IL6: variants seen among roughly 807,000 people sequenced by gnomAD.
IL6 encodes interleukin 6.
In IL6, 5 loss-of-function variants were observed where a neutral mutation model predicts 18.0. That is an observed-to-expected ratio of 0.28 (90% CI 0.15 to 0.58). IL6 has a LOEUF of 0.58. IL6 is among the 20% of genes least tolerant of loss of function. The pLI is 0.90. For synonymous variants in IL6, 97 were observed against 95.1 expected (o/e 1.02, Z -0.12); for missense variants, 266 against 251.0 (o/e 1.06, Z -0.40).
chr7:22,729,420 A>G (rs1194400493), intron 3 of IL6, 94 bp from the exon 4 acceptor site: 1 of 1,190,258 alleles, frequency 8.4e-7, no homozygotes, highest in African/African-American at 1.5e-5. Flanking sequence ...CTAGAGGAGC[A>G]GAGGGAAAAG....
At chr7:22,729,244 G>A (rs1473187780) in intron 3 of IL6, among the ~76,000 whole-genome samples, 1 of 152,172 alleles carries the variant, frequency 6.6e-6, no homozygotes, top group East Asian at 1.9e-4. Context: ...AAGAGTGCAG[G>A]AAGAACATCA....
rs775434886 is a variant in IL6 at position 22,727,251 on chromosome 7, A to C, written c.-12A>C. On this transcript the variant is annotated 5_prime_UTR_variant, in exon 1 of 5. Coordinates refer to ENST00000258743, the MANE Select transcript of IL6 (RefSeq NM_000600.5). ...GAAAGAGAAGCTCTATCTCCCCTCC[A>C]GGAGCCCAGCTATGAACTCCTTCTC... is the stretch of plus-strand genomic sequence containing the variant. 5.0e-6 allele frequency: 8 copies of C among 1,613,374 alleles called. 1 individual carries two copies. The highest frequency in any genetic ancestry group is 1.7e-5 in the Admixed American group (1 of 59,988).
chr7:22,728,495 C>A (rs1318000634), intron 2 of IL6, 198 bp from the exon 3 acceptor site: 2 of 562,886 alleles, frequency 3.6e-6, no homozygotes, highest in Non-Finnish European at 3.2e-6. Context: ...AAGTAACACA[C>A]CTAAAGTCAC....
Position 22,727,219 on chromosome 7 carries a change from C to G in IL6, c.-44C>G, listed in dbSNP as rs185230192. On this transcript the variant is annotated 5_prime_UTR_variant, in exon 1 of 5. Transcript: ENST00000258743. Reference sequence around the variant, plus strand: ...AGGCTCATTCTGCCCTCGAGCCCACCGGGAACGAAAGAGAAGCTCTATCTC... The same window carrying G: ...AGGCTCATTCTGCCCTCGAGCCCACGGGGAACGAAAGAGAAGCTCTATCTC... 1.2e-6 allele frequency: 2 copies of G among 1,611,632 alleles called. No individual in the cohort carries two copies. The highest frequency in any genetic ancestry group is 1.1e-5 in the South Asian group (1 of 90,960).
In IL6 at chr7:22,729,361, T is replaced by G. The variant is rs13306434; in HGVS notation, c.325-153T>G. Among the ~76,000 whole-genome samples, 50 of 152,342 alleles carry G rather than the reference T, an allele frequency of 3.3e-4. No homozygotes were observed. The East Asian group carries it at 8.7e-3, about 26-fold the overall frequency. On this transcript the variant is annotated intron_variant, in intron 3 of 4. Coordinates refer to ENST00000258743, the MANE Select transcript of IL6 (RefSeq NM_000600.5). ...CTGATTGTCCAGTTATTTAAAATGG[T>G]GCTGTCCAATGTCCCAAAACATGCT...
chr7:22,729,714 CAG>C, intron 4 of IL6, 54 bp downstream of exon 4: 2 of 1,613,374 alleles, frequency 1.2e-6, no homozygotes, highest in South Asian at 2.2e-5. Context: ...GGCTCAAAGA[CAG>C]TGTCCTGGAC....
In IL6 at chr7:22,728,912, T is replaced by C. The variant is rs752671035; in HGVS notation, c.324+106T>C. 3.8e-4 allele frequency: 266 copies of C among 696,858 alleles called. 2 individuals carry two copies. Among genetic ancestry groups the C allele is most frequent in the South Asian group, 2.2e-3 (133 of 59,926 alleles). The allele number at this position is 696,858 out of a possible 1,614,324, so 43.2% of individuals were successfully genotyped here. On this transcript the variant is annotated intron_variant, in intron 3 of 4. Transcript: ENST00000258743. ...GATCCAGGCAGCAACAAAAAGTGGG[T>C]AAATGTAAAGAATGTTATGTAAATT... is the stretch of plus-strand genomic sequence containing the variant.
chr7:22,727,838 C>A (rs533743928), intron 2 of IL6, among the ~76,000 whole-genome samples: 1 of 152,284 alleles, frequency 6.6e-6, no homozygotes, highest in Admixed American at 6.5e-5. Context: ...CTGGAAAATG[C>A]AGAATGGGTC....
At chr7:22,727,399 G>A (rs748751521) in intron 1 of IL6, 45 bp from the exon 2 acceptor site, 9 of 1,613,184 alleles carry the variant, frequency 5.6e-6, no homozygotes, top group Admixed American at 1.7e-5. Flanking sequence ...CAGGCTCCCA[G>A]CTGTGCTGTC....
chr7:22,727,574 A>G lies in IL6; in HGVS notation c.150A>G (p.Ser50=). 1 of 1,595,024 alleles carries G rather than the reference A, an allele frequency of 6.3e-7. No homozygotes were observed. Among genetic ancestry groups the G allele is most frequent in the Non-Finnish European group, 8.5e-7 (1 of 1,171,784 alleles). ...AAPHRQPLTS[S]ERIDKQIRYI... ...CACACAGACAGCCACTCACCTCTTCAGAACGAATTGACAAACAAATTCGGT... is the reference window on the plus strand; with the variant it reads ...CACACAGACAGCCACTCACCTCTTCGGAACGAATTGACAAACAAATTCGGT... The change falls in exon 2 of 5, where the codon TCA becomes TCG. Residue 50 remains serine, a synonymous_variant. Coordinates refer to ENST00000258743, the MANE Select transcript of IL6 (RefSeq NM_000600.5).
chr7:22,730,952 T>C (rs1784113674), intron 4 of IL6, among the ~76,000 whole-genome samples: 1 of 152,076 alleles, frequency 6.6e-6, no homozygotes, highest in South Asian at 2.1e-4. Flanking sequence ...AGAAGTTGGT[T>C]GCTGTGAGCC....
In IL6 at chr7:22,728,722, C is replaced by T. The variant is rs201523057; in HGVS notation, c.240C>T (p.Ser80=). ...GTAACAAGAGTAACATGTGTGAAAG[C>T]AGCAAAGAGGCACTGGCAGAAAACA... ...ETCNKSNMCE[S]SKEALAENNL... Residue 80 remains serine, a synonymous_variant, in exon 3 of 5, where the codon AGC becomes AGT. Coordinates refer to ENST00000258743, the MANE Select transcript of IL6 (RefSeq NM_000600.5). The T allele has an allele frequency of 2.5e-6, 4 of 1,611,096 alleles. No homozygotes were observed. The highest frequency in any genetic ancestry group is 1.7e-5 in the Admixed American group (1 of 60,014).
At chr7:22,731,148 G>T (rs529363262) in intron 4 of IL6, among the ~76,000 whole-genome samples, 1 of 151,906 alleles carries the variant, frequency 6.6e-6, no homozygotes, top group Admixed American at 6.6e-5. Context: ...TGAGGCACAT[G>T]AATCACTTGA....
At position 22,727,217 on chromosome 7, in the gene IL6, AC is replaced by A. The variant is rs1455154786; in HGVS notation, c.-44del. On this transcript the variant is annotated 5_prime_UTR_variant, in exon 1 of 5. Transcript: ENST00000258743. The stretch of plus-strand genomic sequence containing the variant: ...TGAGGCTCATTCTGCCCTCGAGCCC[AC>A]CGGGAACGAAAGAGAAGCTCTATCT... 2 of 1,611,510 alleles carry A rather than the reference AC, an allele frequency of 1.2e-6. No homozygotes were observed. The highest frequency in any genetic ancestry group is 2.7e-5 in the African/African-American group (2 of 74,816).
intron 4 of IL6, among the ~76,000 whole-genome samples, chr7:22,730,830 T>C (rs1410924954): frequency 6.6e-6 from 1 of 152,012 alleles, no homozygotes; most frequent in East Asian, 1.9e-4. Flanking sequence ...CTGGATAACA[T>C]AGCAAGACCC....
In IL6 at chr7:22,729,691, G is replaced by A. The variant is rs2069842; in HGVS notation, c.471+31G>A. ...TGTGTCCTCATTCCCTCAACTTGGT[G>A]TGGGGGAAGACAGGCTCAAAGACAG... On this transcript the variant is annotated intron_variant, in intron 4 of 4. Coordinates refer to ENST00000258743, the MANE Select transcript of IL6 (RefSeq NM_000600.5). 6,838 of 1,614,056 alleles carry A rather than the reference G, an allele frequency of 4.2e-3. 240 individuals carry two copies. The African/African-American group carries it at 0.077, about 18-fold the overall frequency.
Position 22,728,767 on chromosome 7 carries a change from G to A in IL6, c.285G>A (p.Met95Ile). 1 of 1,612,862 alleles carries A rather than the reference G, an allele frequency of 6.2e-7. No homozygotes were observed. The highest frequency in any genetic ancestry group is 8.5e-7 in the Non-Finnish European group (1 of 1,178,876). The change falls in exon 3 of 5, where the codon ATG becomes ATA. Residue 95 changes from methionine (M) to isoleucine (I), a missense_variant. Coordinates refer to ENST00000258743, the MANE Select transcript of IL6 (RefSeq NM_000600.5). Reference sequence around the variant, plus strand: ...AAAACAACCTGAACCTTCCAAAGATGGCTGAAAAAGATGGATGCTTCCAAT... The same window carrying A: ...AAAACAACCTGAACCTTCCAAAGATAGCTGAAAAAGATGGATGCTTCCAAT... ...LAENNLNLPK[M>I]AEKDGCFQSG...
intron 2 of IL6, 57 bp downstream of exon 2, chr7:22,727,691 C>G: frequency 1.3e-6 from 2 of 1,515,172 alleles, no homozygotes; most frequent in Non-Finnish European, 8.8e-7. Flanking sequence ...TCCCCTTGCC[C>G]CTGCGTGTGG....
At chr7:22,728,356 A>C (rs921392219) in intron 2 of IL6, 1 of 244,208 alleles carries the variant, frequency 4.1e-6, no homozygotes, top group African/African-American at 2.2e-5. Context: ...TATTCTCCTA[A>C]TTATTGTCAA....
Sources: gnomAD v4.1 joint callset for allele counts (sites outside exome capture counted in the v4.1 genomes callset) on GRCh38, gnomAD v4.1.1 for gene constraint, MANE v1.5 for transcripts, NCBI Gene and HGNC (gene_info 2026-07-23, HGNC 2026-07-21) for gene names.